Variants in FUT9 observed in about 807,000 individuals in gnomAD.
FUT9 encodes the protein fucosyltransferase 9, also known as 4-galactosyl-N-acetylglucosaminide 3-alpha-L-fucosyltransferase 9.
Under a neutral mutation model 29.7 loss-of-function variants are expected in FUT9, and 15 were observed. The observed-to-expected ratio is 0.51, with a 90% CI of 0.34 to 0.78. The LOEUF (loss-of-function observed/expected upper bound fraction) is 0.78, where lower values mean the gene tolerates loss of function less well. Ranked by LOEUF, FUT9 falls within the 30% of genes least tolerant of loss-of-function variation. The probability of loss-of-function intolerance (pLI) is 0.01; values close to 1 mark genes in which losing one functional copy is unlikely to be tolerated. For missense variants in FUT9, 319 were observed against 425.4 expected, an observed-to-expected ratio of 0.75 and a Z score of 2.20; for synonymous variants, 169 against 153.7, an observed-to-expected ratio of 1.10 and a Z score of -0.74.
intron 1 of FUT9, among the ~76,000 whole-genome samples, chr6:96,099,509 G>T (rs1393830568): frequency 6.6e-6 from 1 of 151,966 alleles, no homozygotes; most frequent in African/African-American, 2.4e-5. Flanking sequence ...AAAAATAGTT[G>T]CCAATGTTTC....
intron 2 of FUT9, among the ~76,000 whole-genome samples, chr6:96,181,126 A>G (rs368446615): frequency 1.3e-5 from 2 of 152,068 alleles, no homozygotes; most frequent in South Asian, 2.1e-4. Flanking sequence ...GACTGCTTTC[A>G]TTTACTTATG....
At chr6:96,051,409 T>C (rs1256755085) in intron 1 of FUT9, among the ~76,000 whole-genome samples, 1 of 152,122 alleles carries the variant, frequency 6.6e-6, no homozygotes, top group African/African-American at 2.4e-5. Context: ...TCTCAGCATT[T>C]AGAGGCTGAG....
At chr6:96,041,839 A>G (rs377221025) in intron 1 of FUT9, among the ~76,000 whole-genome samples, 28 of 152,260 alleles carry the variant, frequency 1.8e-4, no homozygotes, top group African/African-American at 6.5e-4. Flanking sequence ...TTATGGAAAA[A>G]TATTATTGAA....
chr6:96,016,646 T>C (rs1769985144), intron 1 of FUT9, among the ~76,000 whole-genome samples: 1 of 152,164 alleles, frequency 6.6e-6, no homozygotes, highest in Admixed American at 6.5e-5. Flanking sequence ...CTGACCCACC[T>C]TCTCTCCTTT....
intron 2 of FUT9, among the ~76,000 whole-genome samples, chr6:96,136,327 G>A (rs147786527): frequency 6.3e-4 from 95 of 151,788 alleles, no homozygotes; most frequent in African/African-American, 2.1e-3. Context: ...ATGTGATGGG[G>A]CACCAAAAGT....
At chr6:96,088,339 G>T (rs4361622) in intron 1 of FUT9, among the ~76,000 whole-genome samples, 3,115 of 151,984 alleles carry the variant, frequency 0.02, 97 homozygotes, top group African/African-American at 0.071. Context: ...GTTTCCTAAT[G>T]CTTCTTGTGC....
At chr6:96,035,811 CATATA>C (rs956998450) in intron 1 of FUT9, among the ~76,000 whole-genome samples, 12 of 100,298 alleles carry the variant, frequency 1.2e-4, no homozygotes, top group South Asian at 9.0e-4. Flanking sequence ...TAATATAATA[CATATA>C]ATATATTATA....
chr6:96,053,826 T>A (rs1351786792), intron 1 of FUT9, among the ~76,000 whole-genome samples: 1 of 152,204 alleles, frequency 6.6e-6, no homozygotes, highest in Non-Finnish European at 1.5e-5. Flanking sequence ...TATGGAAAGC[T>A]ATTCGGTATT....
At position 96,028,471 on chromosome 6, in the gene FUT9, T is replaced by A. The variant is rs1191681864; in HGVS notation, c.-98+12259T>A. On this transcript the variant is annotated intron_variant, in intron 1 of 2. Coordinates refer to ENST00000302103, the MANE Select transcript of FUT9 (RefSeq NM_006581.4). ...TTTAGCTGAGAGATTAAAGTCAAATTTCTTAGTATATCTGAGACTCTTTTT... is the reference window on the plus strand; with the variant it reads ...TTTAGCTGAGAGATTAAAGTCAAATATCTTAGTATATCTGAGACTCTTTTT... Among the ~76,000 whole-genome samples the A allele has an allele frequency of 2.0e-5, 3 of 151,634 alleles. No individual in the cohort carries two copies. In the East Asian group the frequency reaches 5.8e-4, roughly 29 times the overall value.
chr6:96,151,310 A>AT (rs1214118375), intron 2 of FUT9, among the ~76,000 whole-genome samples: 2 of 151,990 alleles, frequency 1.3e-5, no homozygotes. Context: ...GTATAATAGA[A>AT]TTTTTTTTCC....
chr6:96,155,669 T>C (rs1171572184), intron 2 of FUT9, among the ~76,000 whole-genome samples: 1 of 148,800 alleles, frequency 6.7e-6, no homozygotes, highest in East Asian at 2.0e-4. Flanking sequence ...TGAGACTCCG[T>C]TTAAAAAAAA....
rs145299397 is a variant in FUT9, at chr6:96,149,661, A to G, written c.-9+35534A>G. 3.0e-3 allele frequency among the ~76,000 whole-genome samples: 451 copies of G among 152,340 alleles called. 2 individuals are homozygous for G. Among genetic ancestry groups the G allele is most frequent in the Non-Finnish European group, 4.8e-3 (324 of 68,024 alleles). ...GAGAAAAAATATATCTGTGCATTCCATCAAAAGCAAGCATTTCTTTGCCTG... is the reference window on the plus strand; with the variant it reads ...GAGAAAAAATATATCTGTGCATTCCGTCAAAAGCAAGCATTTCTTTGCCTG... On this transcript the variant is annotated intron_variant, in intron 2 of 2. Coordinates refer to ENST00000302103, the MANE Select transcript of FUT9 (RefSeq NM_006581.4).
intron 2 of FUT9, among the ~76,000 whole-genome samples, chr6:96,116,881 A>T (rs1166661311): frequency 6.6e-6 from 1 of 152,120 alleles, no homozygotes; most frequent in Non-Finnish European, 1.5e-5. Context: ...GTGCTGAAAA[A>T]ATTACTGTGC....
Position 96,215,446 on chromosome 6 carries a change from G to A in FUT9, c.*11211G>A, listed in dbSNP as rs917138844. On this transcript the variant is annotated 3_prime_UTR_variant, in exon 3 of 3. Coordinates refer to ENST00000302103, the MANE Select transcript of FUT9 (RefSeq NM_006581.4). ...GTATAAAGGATTTGAGCCTGTATGTGTAAGAAGAAACTCTCTCTTCAGTCA... is the reference window on the plus strand; with the variant it reads ...GTATAAAGGATTTGAGCCTGTATGTATAAGAAGAAACTCTCTCTTCAGTCA... 2.4e-5 allele frequency: 4 copies of A among 166,758 alleles called. No individual in the cohort carries two copies. The highest frequency in any genetic ancestry group is 5.9e-5 in the Non-Finnish European group (4 of 68,078). 10.3% of individuals were successfully genotyped at this position (166,758 alleles called of 1,614,324 possible).
At chr6:96,200,780 C>G (rs1773713760) in intron 2 of FUT9, among the ~76,000 whole-genome samples, 1 of 151,756 alleles carries the variant, frequency 6.6e-6, no homozygotes, top group Non-Finnish European at 1.5e-5. Flanking sequence ...GAAAAGAGAC[C>G]CTTTCAGTAA....
chr6:96,199,897 A>T (rs4840243), intron 2 of FUT9, among the ~76,000 whole-genome samples: 2 of 152,026 alleles, frequency 1.3e-5, no homozygotes, highest in Non-Finnish European at 2.9e-5. Context: ...AGGATACAGC[A>T]GTGAAGAAAA....
chr6:96,117,286 G>A (rs4839813), intron 2 of FUT9, among the ~76,000 whole-genome samples: 1 of 152,080 alleles, frequency 6.6e-6, no homozygotes, highest in East Asian at 1.9e-4. Context: ...GTTTCACATT[G>A]CTAGAGAAAG....
intron 1 of FUT9, among the ~76,000 whole-genome samples, chr6:96,035,064 A>G (rs563566953): frequency 6.6e-6 from 1 of 151,920 alleles, no homozygotes; most frequent in East Asian, 1.9e-4. Context: ...AATTCAATTA[A>G]TTCACTTAAG....
intron 1 of FUT9, among the ~76,000 whole-genome samples, chr6:96,087,474 A>G (rs1258393631): frequency 6.8e-6 from 1 of 146,996 alleles, no homozygotes; most frequent in African/African-American, 2.5e-5. Context: ...TCAAGCAATT[A>G]TCCTGCCTCA....
Sources: allele counts gnomAD v4.1 joint callset (sites outside exome capture counted in the v4.1 genomes callset), GRCh38; gene constraint gnomAD v4.1.1; transcripts MANE v1.5; gene names NCBI Gene and HGNC (gene_info 2026-07-23, HGNC 2026-07-21).